Variants in AUTS2 observed in about 807,000 individuals in gnomAD.
AUTS2 encodes activator of transcription and developmental regulator AUTS2, also known as autism susceptibility gene 2 protein.
In AUTS2, 17 loss-of-function variants were observed where a neutral mutation model predicts 112.4. The ratio of observed to expected loss-of-function variants is 0.15; its 90% confidence interval spans 0.10 to 0.23. AUTS2 has a LOEUF of 0.23. Among genes scored for constraint, AUTS2 ranks in the 10% least tolerant of loss-of-function variants. The pLI is 1.00. For synonymous variants in AUTS2, 751 were observed against 702.7 expected (o/e 1.07, Z -1.09); for missense variants, 1,510 against 1,701.6 (o/e 0.89, Z 1.98).
At chr7:70,663,703 C>T (rs1178082612) in intron 5 of AUTS2, among the ~76,000 whole-genome samples, 1 of 152,038 alleles carries the variant, frequency 6.6e-6, no homozygotes, top group African/African-American at 2.4e-5. Context: ...TAGTGAAAGG[C>T]AGGGGTGGCC....
intron 4 of AUTS2, among the ~76,000 whole-genome samples, chr7:70,435,546 T>G (rs1231465488): frequency 6.6e-6 from 1 of 152,204 alleles, no homozygotes; most frequent in Admixed American, 6.5e-5. Context: ...ACAAAATAAC[T>G]TTTTTGCATC....
chr7:70,203,223 T>G (rs1292154651), intron 4 of AUTS2, among the ~76,000 whole-genome samples: 2 of 109,024 alleles, frequency 1.8e-5, no homozygotes, highest in African/African-American at 3.5e-5. Flanking sequence ...AGGGATAGCA[T>G]TGGGAGATAT....
rs191523503 is a variant in AUTS2 at position 69,613,091 on chromosome 7, C to T, written c.309+13129C>T. Among the ~76,000 whole-genome samples the T allele has an allele frequency of 2.9e-4, 44 of 152,274 alleles. No homozygotes were observed. In the East Asian group the frequency reaches 6.9e-3, roughly 24 times the overall value. ...AGTTGAAGAAACTGAAGCACAGAGC[C>T]GTTAAATCAACTTGGCCAGGATCAG... is the stretch of plus-strand genomic sequence containing the variant. On this transcript the variant is annotated intron_variant, in intron 1 of 18. Coordinates refer to ENST00000342771, the MANE Select transcript of AUTS2 (RefSeq NM_015570.4).
Position 70,790,878 on chromosome 7 carries a change from C to G in AUTS2, c.3662C>G (p.Pro1221Arg). The G allele has an allele frequency of 4.4e-6, 7 of 1,602,956 alleles. No homozygotes were observed. Among genetic ancestry groups the G allele is most frequent in the Non-Finnish European group, 5.1e-6 (6 of 1,174,262 alleles). Residue 1221 changes from proline (P) to arginine (R), a missense_variant, in exon 19 of 19, where the codon CCC becomes CGC. By Grantham distance (103) the Pro-to-Arg change is moderately radical. Around this residue, in one of 3 missense-constraint regions of AUTS2, gnomAD observed 788 missense variants for 797.6 expected, o/e 0.99. Coordinates refer to ENST00000342771, the MANE Select transcript of AUTS2 (RefSeq NM_015570.4). The surrounding 1 kb of genome is among the most constrained non-coding windows in gnomAD (Gnocchi z 7.6). The part of the protein sequence containing the change: ...TPPTAALSAP[P>R]PLISTLGGRP... ...CCGACAGCAGCGCTGAGCGCACCTC[C>G]CCCGCTCATCTCCACGCTGGGGGGC...
intron 2 of AUTS2, among the ~76,000 whole-genome samples, chr7:69,940,297 G>C (rs967112645): frequency 6.6e-6 from 1 of 152,108 alleles, no homozygotes; most frequent in African/African-American, 2.4e-5. Flanking sequence ...TCTGCAACAG[G>C]GCGAATTAAC....
intron 5 of AUTS2, among the ~76,000 whole-genome samples, chr7:70,571,718 A>G (rs1801949111): frequency 6.6e-6 from 1 of 152,142 alleles, no homozygotes; most frequent in Admixed American, 6.5e-5. Context: ...CCTTGGGGAA[A>G]TCTCAGCCCA....
At chr7:69,998,249 G>C (rs1799035128) in intron 2 of AUTS2, among the ~76,000 whole-genome samples, 1 of 151,986 alleles carries the variant, frequency 6.6e-6, no homozygotes, top group South Asian at 2.1e-4. Context: ...GTCTTGTTAT[G>C]TTGCCTAGGC....
chr7:69,988,420 T>A (rs1174938861), intron 2 of AUTS2, among the ~76,000 whole-genome samples: 1 of 152,240 alleles, frequency 6.6e-6, no homozygotes, highest in African/African-American at 2.4e-5. Flanking sequence ...TTAAGTGAGA[T>A]GGCAAGCATT....
chr7:70,355,044 ATG>A (rs757470657), intron 4 of AUTS2, among the ~76,000 whole-genome samples: 33 of 132,128 alleles, frequency 2.5e-4, no homozygotes, highest in South Asian at 4.9e-4. Flanking sequence ...GTGTGTATGT[ATG>A]TGTGTGTGTG....
At chr7:70,184,538 C>T (rs1188262112) in intron 4 of AUTS2, among the ~76,000 whole-genome samples, 4 of 152,064 alleles carry the variant, frequency 2.6e-5, no homozygotes, top group Admixed American at 6.6e-5. Context: ...CCTGACAACT[C>T]GATTATGGTC....
Position 70,215,411 on chromosome 7 carries a change from G to C in AUTS2, c.660+80840G>C, listed in dbSNP as rs117027678. ...TAATTAGCAAAGTTCCACAGGGCCA[G>C]ATATCACCAAATATGAATAGTAGAT... On this transcript the variant is annotated intron_variant, in intron 4 of 18. Transcript: ENST00000342771. Among the ~76,000 whole-genome samples, 1,382 of 152,354 alleles carry C rather than the reference G, an allele frequency of 9.1e-3. 5 individuals carry two copies. The highest frequency in any genetic ancestry group is 0.016 in the Non-Finnish European group (1,076 of 68,040).
At chr7:70,024,738 G>T (rs149153026) in intron 2 of AUTS2, among the ~76,000 whole-genome samples, 2 of 152,236 alleles carry the variant, frequency 1.3e-5, no homozygotes, top group Non-Finnish European at 2.9e-5. Context: ...CAAGCAGTAG[G>T]TTGGAAATTT....
intron 5 of AUTS2, among the ~76,000 whole-genome samples, chr7:70,477,563 A>C (rs1797629144): frequency 6.6e-6 from 1 of 152,184 alleles, no homozygotes; most frequent in African/African-American, 2.4e-5. Flanking sequence ...CCCTCTGCTC[A>C]GTGGATCGCT....
chr7:70,006,642 C>T (rs1799555748), intron 2 of AUTS2, among the ~76,000 whole-genome samples: 1 of 152,106 alleles, frequency 6.6e-6, no homozygotes, highest in Non-Finnish European at 1.5e-5. Flanking sequence ...CTTTGATAAT[C>T]CTCGCCCAAC....
intron 4 of AUTS2, among the ~76,000 whole-genome samples, chr7:70,424,331 C>T (rs1423093258): frequency 6.6e-6 from 1 of 152,112 alleles, no homozygotes; most frequent in Non-Finnish European, 1.5e-5. Flanking sequence ...TTTCAGCTTG[C>T]CTCTGTACTT....
intron 4 of AUTS2, among the ~76,000 whole-genome samples, chr7:70,269,230 G>A (rs1289698656): frequency 1.3e-5 from 2 of 152,162 alleles, no homozygotes; most frequent in Non-Finnish European, 2.9e-5. Context: ...GCTTCTTGGT[G>A]TTCCGCTCCT....
chr7:70,722,267 T>A (rs1213858532), intron 6 of AUTS2, among the ~76,000 whole-genome samples: 8 of 150,962 alleles, frequency 5.3e-5, no homozygotes, highest in Non-Finnish European at 1.0e-4. Context: ...TATTTTTTAA[T>A]TAAAAAAAAA....
At chr7:70,164,426 G>A (rs959980352) in intron 4 of AUTS2, among the ~76,000 whole-genome samples, 1 of 152,018 alleles carries the variant, frequency 6.6e-6, no homozygotes, top group Non-Finnish European at 1.5e-5. Flanking sequence ...ATCTCCTCAG[G>A]TGCCTGTAAG....
intron 2 of AUTS2, among the ~76,000 whole-genome samples, chr7:69,961,377 A>T (rs935650969): frequency 5.3e-5 from 8 of 152,156 alleles, no homozygotes; most frequent in Non-Finnish European, 2.9e-5. Flanking sequence ...GGGTGAGTCC[A>T]TTTTATAGAT....
Sources: allele counts gnomAD v4.1 joint callset (sites outside exome capture counted in the v4.1 genomes callset), GRCh38; gene constraint gnomAD v4.1.1; regional missense constraint gnomAD v4.1.1; non-coding constraint Gnocchi (gnomAD v3.1); transcripts MANE v1.5; gene names NCBI Gene and HGNC (gene_info 2026-07-23, HGNC 2026-07-21).